Variants in WDR17 observed in about 807,000 individuals in gnomAD.
The protein encoded by WDR17 is WD repeat-containing protein 17.
A neutral mutation model predicts 161.7 loss-of-function variants in WDR17; 143 were observed. The ratio of observed to expected loss-of-function variants is 0.88; its 90% CI spans 0.77 to 1.02. The LOEUF (loss-of-function observed/expected upper bound fraction) is 1.02. Among genes scored for constraint, WDR17 ranks in the 50% least tolerant of loss-of-function variants. The probability of loss-of-function intolerance (pLI) is 0.00; values close to 1 mark genes in which losing one functional copy is unlikely to be tolerated. For synonymous variants in WDR17, 517 were observed against 515.6 expected (o/e 1.00, Z -0.04); for missense variants, 1,469 against 1,520.9 (o/e 0.97, Z 0.57).
chr4:176,160,833 T>C, intron 19 of WDR17, 78 bp from the exon 20 acceptor site: 1 of 1,173,298 alleles, frequency 8.5e-7, no homozygotes, highest in Non-Finnish European at 1.2e-6. Flanking sequence ...AAGTATACTT[T>C]GCTCAAAATC....
At position 176,173,386 on chromosome 4, in the gene WDR17, C is replaced by G; in HGVS notation, c.3347+17C>G. The G allele has an allele frequency of 6.6e-7, 1 of 1,514,394 alleles. No homozygotes were observed. Among genetic ancestry groups the G allele is most frequent in the Non-Finnish European group, 9.1e-7 (1 of 1,099,608 alleles). 93.8% of individuals were successfully genotyped at this position (1,514,394 alleles called of 1,614,324 possible). A position where few individuals can be genotyped will look rare whatever the true frequency, so the allele number is the denominator to read the frequency against. ...GTGTACTGAGTGAGTATTTTTTCTG[C>G]AAAATATATAAGTGAATCTATTTGA... On this transcript the variant is annotated intron_variant, in intron 25 of 28. Coordinates refer to ENST00000508596, the MANE Select transcript of WDR17 (RefSeq NM_181265.4).
intron 1 of WDR17, among the ~76,000 whole-genome samples, chr4:176,068,888 G>A (rs539944309): frequency 8.3e-4 from 127 of 152,214 alleles, no homozygotes; most frequent in African/African-American, 2.8e-3. Flanking sequence ...ACAAAACCTA[G>A]AGAAAAACAT....
chr4:176,085,119 G>A (rs1277826134), intron 1 of WDR17, among the ~76,000 whole-genome samples: 3 of 151,634 alleles, frequency 2.0e-5, no homozygotes, highest in African/African-American at 4.8e-5. Context: ...AATTTGCTTG[G>A]CACTTTTCAT....
At chr4:176,134,708 G>A (rs1298236094) in intron 7 of WDR17, among the ~76,000 whole-genome samples, 1 of 151,642 alleles carries the variant, frequency 6.6e-6, no homozygotes, top group Non-Finnish European at 1.5e-5. Context: ...TTTCATCTTG[G>A]TCTTCTATTG....
At chr4:176,179,395 A>T in intron 28 of WDR17, 65 bp from the exon 29 acceptor site, 1 of 1,358,528 alleles carries the variant, frequency 7.4e-7, no homozygotes, top group South Asian at 2.2e-5. Context: ...TCTCTTTCTG[A>T]AAGTTTAAAA....
At chr4:176,099,415 G>A (rs1350997281) in intron 1 of WDR17, among the ~76,000 whole-genome samples, 2 of 152,138 alleles carry the variant, frequency 1.3e-5, no homozygotes, top group East Asian at 3.8e-4. Context: ...AAACTTCACG[G>A]GAACCCAGTA....
chr4:176,175,158 ACTTTCTCCTGG>A (rs1751259326), intron 26 of WDR17, among the ~76,000 whole-genome samples: 1 of 152,192 alleles, frequency 6.6e-6, no homozygotes, highest in South Asian at 2.1e-4. Context: ...ACCACAAAGG[ACTTTCTCCTGG>A]CAAGACCATT....
At chr4:176,177,755 T>C (rs1751653081) in intron 28 of WDR17, 101 bp downstream of exon 28, 4 of 1,223,200 alleles carry the variant, frequency 3.3e-6, no homozygotes, top group Non-Finnish European at 4.5e-6. Flanking sequence ...AAGTAGGTAA[T>C]TTAGGACTGG....
chr4:176,161,969 A>G, intron 20 of WDR17, 106 bp from the exon 21 acceptor site: 1 of 961,964 alleles, frequency 1.0e-6, no homozygotes, highest in Non-Finnish European at 1.5e-6. Flanking sequence ...AAGCATGTCA[A>G]ATTAAATTTT....
chr4:176,152,595 CAAAAAAAAAA>C (rs34451055), intron 17 of WDR17, among the ~76,000 whole-genome samples: 3 of 37,238 alleles, frequency 8.1e-5, no homozygotes, highest in African/African-American at 2.3e-4. Context: ...AACTCCATCT[CAAAAAAAAAA>C]AAAAAAAAAA....
chr4:176,074,409 ACAT>A (rs1733680280), intron 1 of WDR17, among the ~76,000 whole-genome samples: 1 of 151,460 alleles, frequency 6.6e-6, no homozygotes, highest in Admixed American at 6.6e-5. Context: ...TATATACTAC[ACAT>A]ATACATATAT....
chr4:176,078,834 T>A (rs930438273), intron 1 of WDR17, among the ~76,000 whole-genome samples: 1 of 152,050 alleles, frequency 6.6e-6, no homozygotes, highest in African/African-American at 2.4e-5. Flanking sequence ...CAAATCAGGA[T>A]AGTATATCTG....
At chr4:176,104,435 A>C (rs1412218417) in intron 1 of WDR17, among the ~76,000 whole-genome samples, 1 of 152,060 alleles carries the variant, frequency 6.6e-6, no homozygotes, top group Non-Finnish European at 1.5e-5. Context: ...ATATTTTAAA[A>C]ATTCTTAGTA....
At chr4:176,135,333 T>A in intron 8 of WDR17, 57 bp downstream of exon 8, 1 of 1,571,598 alleles carries the variant, frequency 6.4e-7, no homozygotes, top group Non-Finnish European at 8.7e-7. Context: ...TAAAGTTTTA[T>A]TTTCATTTGA....
In WDR17 at chr4:176,117,629, A is replaced by G. The variant is rs145075012; in HGVS notation, c.307+1650A>G. On this transcript the variant is annotated intron_variant, in intron 3 of 28. Coordinates refer to ENST00000508596, the MANE Select transcript of WDR17 (RefSeq NM_181265.4). Reference sequence around the variant, plus strand: ...GGAAGATTTTATTTATTCATCAGCTATATGCACCATAGTTTCTTTTGTCAC... The same window carrying G: ...GGAAGATTTTATTTATTCATCAGCTGTATGCACCATAGTTTCTTTTGTCAC... Among the ~76,000 whole-genome samples, 467 of 152,168 alleles carry G rather than the reference A, an allele frequency of 3.1e-3. 1 individual carries two copies. Among genetic ancestry groups the G allele is most frequent in the African/African-American group, 0.011 (441 of 41,556 alleles).
chr4:176,127,818 C>A (rs1039763390), intron 5 of WDR17, among the ~76,000 whole-genome samples: 1 of 152,164 alleles, frequency 6.6e-6, no homozygotes, highest in Non-Finnish European at 1.5e-5. Flanking sequence ...CCCGGATACA[C>A]ACATGTGCAA....
Position 176,173,264 on chromosome 4 carries a change from C to T in WDR17, c.3245-3C>T. On this transcript the variant is annotated splice_region_variant and splice_polypyrimidine_tract_variant and intron_variant, in intron 24 of 28. Coordinates refer to ENST00000508596, the MANE Select transcript of WDR17 (RefSeq NM_181265.4). ...AATCTTCCATCTGGTTTAATTTTTC[C>T]AGAATACATCAGTAGCTCAGACTGG... 6.3e-7 allele frequency: 1 copy of T among 1,591,288 alleles called. No homozygotes were observed. Among genetic ancestry groups the T allele is most frequent in the Non-Finnish European group, 8.6e-7 (1 of 1,169,320 alleles).
intron 4 of WDR17, among the ~76,000 whole-genome samples, chr4:176,123,845 AT>A (rs1741994843): frequency 6.6e-6 from 1 of 152,086 alleles, no homozygotes; most frequent in African/African-American, 2.4e-5. Context: ...ACATTGGGGG[AT>A]GAGGCTGAAG....
chr4:176,070,212 A>G (rs934496510), intron 1 of WDR17, among the ~76,000 whole-genome samples: 2 of 152,212 alleles, frequency 1.3e-5, no homozygotes, highest in African/African-American at 4.8e-5. Flanking sequence ...ACGTTTCGTT[A>G]ACATTTATAT....
Sources: allele counts gnomAD v4.1 joint callset (sites outside exome capture counted in the v4.1 genomes callset), GRCh38; gene constraint gnomAD v4.1.1; transcripts MANE v1.5; gene names NCBI Gene and HGNC (gene_info 2026-07-23, HGNC 2026-07-21).